The following ADAMTSL1 variants were observed in gnomAD, a reference collection of about 807,000 sequenced individuals.
ADAMTSL1 encodes the protein ADAMTS-like protein 1.
A neutral mutation model predicts 201.8 loss-of-function variants in ADAMTSL1; 126 were observed. The observed-to-expected ratio is 0.62, with a 90% CI of 0.54 to 0.72. ADAMTSL1 has a LOEUF of 0.72. Ranked by LOEUF, ADAMTSL1 falls within the 30% of genes least tolerant of loss-of-function variation. ADAMTSL1 has a pLI of 0.00. For synonymous variants in ADAMTSL1, 1,121 were observed against 903.4 expected, an observed-to-expected ratio of 1.24 and a Z score of -4.32; for missense variants, 2,679 against 2,277.8, an observed-to-expected ratio of 1.18 and a Z score of -3.59.
chr9:18,547,980 A>G (rs73644238), intron 3 of ADAMTSL1, among the ~76,000 whole-genome samples: 1 of 151,956 alleles, frequency 6.6e-6, no homozygotes, highest in Non-Finnish European at 1.5e-5. Context: ...ATAGGAAAAA[A>G]ATATATATAT....
chr9:18,025,841 G>A (rs567481326), intron 1 of ADAMTSL1, among the ~76,000 whole-genome samples: 21 of 152,128 alleles, frequency 1.4e-4, no homozygotes, highest in African/African-American at 4.1e-4. Context: ...GATTGCTTTC[G>A]TTAGTATGAC....
chr9:18,139,920 A>G (rs1290441108), intron 1 of ADAMTSL1, among the ~76,000 whole-genome samples: 1 of 152,150 alleles, frequency 6.6e-6, no homozygotes, highest in Non-Finnish European at 1.5e-5. Context: ...GTCTCCAGAG[A>G]CTGATGAAAT....
intron 4 of ADAMTSL1, among the ~76,000 whole-genome samples, chr9:18,582,533 A>G (rs1823167396): frequency 6.6e-6 from 1 of 152,080 alleles, no homozygotes; most frequent in Admixed American, 6.6e-5. Context: ...AATGAGTCTC[A>G]TGAGATCTGA....
chr9:18,557,073 C>T (rs1465029848), intron 3 of ADAMTSL1, among the ~76,000 whole-genome samples: 2 of 151,888 alleles, frequency 1.3e-5, no homozygotes, highest in East Asian at 1.9e-4. Flanking sequence ...TGGTTTTGTC[C>T]GTATGAACCC....
At chr9:18,490,355 G>A (rs1822208177) in intron 1 of ADAMTSL1, among the ~76,000 whole-genome samples, 1 of 152,080 alleles carries the variant, frequency 6.6e-6, no homozygotes, top group Admixed American at 6.6e-5. Flanking sequence ...AGGTGAAGGG[G>A]ATGAGGAGGA....
chr9:18,495,388 A>G (rs16936798), intron 1 of ADAMTSL1, among the ~76,000 whole-genome samples: 17,657 of 152,128 alleles, frequency 0.12, 1,086 homozygotes, highest in African/African-American at 0.15. Context: ...CAAATAAGGA[A>G]CTGTTGAAAA....
intron 2 of ADAMTSL1, among the ~76,000 whole-genome samples, chr9:18,439,985 C>T (rs902450162): frequency 2.0e-5 from 3 of 152,168 alleles, no homozygotes; most frequent in Admixed American, 6.5e-5. Context: ...TATGTGTATT[C>T]AATTTTAAAT....
chr9:17,972,148 T>A (rs997134693), intron 1 of ADAMTSL1, among the ~76,000 whole-genome samples: 1 of 140,788 alleles, frequency 7.1e-6, no homozygotes, highest in African/African-American at 2.6e-5. Context: ...TTCTTTTTCT[T>A]TTTTTTAAAT....
intron 1 of ADAMTSL1, among the ~76,000 whole-genome samples, chr9:18,111,972 C>T (rs1312808577): frequency 1.3e-5 from 2 of 152,136 alleles, no homozygotes; most frequent in Non-Finnish European, 2.9e-5. Context: ...ACTAAGAAAA[C>T]AGTTTCCCAA....
chr9:18,607,244 A>G (rs956012539), intron 4 of ADAMTSL1, among the ~76,000 whole-genome samples: 2 of 152,308 alleles, frequency 1.3e-5, no homozygotes, highest in South Asian at 2.1e-4. Flanking sequence ...CCTACAGAAT[A>G]TAGTTCAACT....
intron 2 of ADAMTSL1, among the ~76,000 whole-genome samples, chr9:18,290,958 T>C (rs6475209): frequency 0.13 from 19,670 of 151,948 alleles, 1,344 homozygotes; most frequent in Middle Eastern, 0.19. Flanking sequence ...ATTTTTTGTA[T>C]ATTTAGTAGA....
chr9:18,452,792 G>C (rs1820459027), intron 2 of ADAMTSL1, among the ~76,000 whole-genome samples: 1 of 152,216 alleles, frequency 6.6e-6, no homozygotes, highest in African/African-American at 2.4e-5. Flanking sequence ...GGAACATTAG[G>C]GTAGAGGTTG....
intron 2 of ADAMTSL1, among the ~76,000 whole-genome samples, chr9:18,206,397 C>T (rs1033521475): frequency 6.6e-6 from 1 of 152,126 alleles, no homozygotes; most frequent in African/African-American, 2.4e-5. Flanking sequence ...GCGTTGCCCT[C>T]TCCCTATCTC....
chr9:18,610,590 G>A (rs1825307105), intron 4 of ADAMTSL1, among the ~76,000 whole-genome samples: 1 of 152,148 alleles, frequency 6.6e-6, no homozygotes, highest in Non-Finnish European at 1.5e-5. Flanking sequence ...TTTGAAAGCA[G>A]GATATCGATA....
intron 23 of ADAMTSL1, among the ~76,000 whole-genome samples, chr9:18,845,646 T>A (rs1826057438): frequency 6.6e-6 from 1 of 152,246 alleles, no homozygotes; most frequent in African/African-American, 2.4e-5. Flanking sequence ...CTCTGCTTAT[T>A]CCTCTGCTGA....
At chr9:18,839,952 T>C (rs1031786718) in intron 23 of ADAMTSL1, among the ~76,000 whole-genome samples, 13 of 149,710 alleles carry the variant, frequency 8.7e-5, no homozygotes, top group Non-Finnish European at 1.9e-4. Context: ...GTCAGATGAG[T>C]AGGTTGCGAA....
At chr9:18,098,205 A>G (rs1824339190) in intron 1 of ADAMTSL1, among the ~76,000 whole-genome samples, 1 of 152,066 alleles carries the variant, frequency 6.6e-6, no homozygotes, top group African/African-American at 2.4e-5. Flanking sequence ...ATATTGATTA[A>G]TACAACTTTG....
At chr9:18,244,445 C>T (rs1831183233) in intron 2 of ADAMTSL1, among the ~76,000 whole-genome samples, 1 of 152,108 alleles carries the variant, frequency 6.6e-6, no homozygotes, top group South Asian at 2.1e-4. Context: ...AGAATTTTCA[C>T]ATTTTTCATC....
At chr9:18,276,516 T>C (rs1349662064) in intron 2 of ADAMTSL1, among the ~76,000 whole-genome samples, 1 of 152,216 alleles carries the variant, frequency 6.6e-6, no homozygotes, top group African/African-American at 2.4e-5. Flanking sequence ...ATGTGTGTTA[T>C]TCCATTTTGC....
Sources: allele counts gnomAD v4.1 joint callset (sites outside exome capture counted in the v4.1 genomes callset), GRCh38; gene constraint gnomAD v4.1.1; transcripts MANE v1.5; gene names NCBI Gene and HGNC (gene_info 2026-07-23, HGNC 2026-07-21).